UBE2H: variants seen among roughly 807,000 people sequenced by gnomAD.
UBE2H encodes ubiquitin conjugating enzyme E2 H.
In UBE2H, 3 loss-of-function variants were observed where a neutral mutation model predicts 29.0. The ratio of observed to expected loss-of-function variants is 0.10; its 90% CI spans 0.05 to 0.27. The LOEUF is 0.27. Among genes scored for constraint, UBE2H ranks in the 10% least tolerant of loss-of-function variants. The pLI is 1.00. For synonymous variants in UBE2H, 69 were observed against 82.9 expected, an observed-to-expected ratio of 0.83 and a Z score of 0.91; for missense variants, 68 against 228.2, an observed-to-expected ratio of 0.30 and a Z score of 4.52.
intron 1 of UBE2H, among the ~76,000 whole-genome samples, chr7:129,887,690 G>A (rs546899447): frequency 2.1e-4 from 32 of 151,812 alleles, no homozygotes; most frequent in South Asian, 2.1e-3. Context: ...TCCTGAGGTC[G>A]GGAGTTTGAG....
chr7:129,927,522 A>G (rs569821110), intron 1 of UBE2H, among the ~76,000 whole-genome samples: 30 of 152,380 alleles, frequency 2.0e-4, no homozygotes, highest in Middle Eastern at 3.4e-3. Context: ...CCTGGCTGAC[A>G]GAGCGAGACT....
At chr7:129,853,351 T>C (rs1272883893) in intron 5 of UBE2H, among the ~76,000 whole-genome samples, 3 of 152,228 alleles carry the variant, frequency 2.0e-5, no homozygotes, top group East Asian at 1.9e-4. Context: ...CCAGATCCCC[T>C]TGGCTACATT....
At chr7:129,879,672 A>G (rs757508468) in intron 2 of UBE2H, 30 bp from the exon 3 acceptor site, 6 of 1,557,512 alleles carry the variant, frequency 3.9e-6, no homozygotes, top group Non-Finnish European at 5.3e-6. Context: ...GTTCATCAGA[A>G]CTACATCTCC....
At chr7:129,906,114 C>G (rs979483128) in intron 1 of UBE2H, among the ~76,000 whole-genome samples, 10 of 152,036 alleles carry the variant, frequency 6.6e-5, no homozygotes, top group African/African-American at 2.4e-4. Flanking sequence ...AAAACACATT[C>G]AGGCAATAAT....
chr7:129,852,917 G>A (rs1805637442), intron 5 of UBE2H, among the ~76,000 whole-genome samples: 1 of 152,062 alleles, frequency 6.6e-6, no homozygotes, highest in African/African-American at 2.4e-5. Flanking sequence ...TAAAGATGGG[G>A]TTTCTCCATG....
At chr7:129,851,293 T>C (rs1195133633) in intron 5 of UBE2H, among the ~76,000 whole-genome samples, 1 of 152,234 alleles carries the variant, frequency 6.6e-6, no homozygotes, top group African/African-American at 2.4e-5. Context: ...GTTCAAACCT[T>C]ATAACCCTGC....
rs1336521870 is a variant in UBE2H at position 129,952,535 on chromosome 7, G to T, written c.21C>A (p.Gly7=). 6.2e-7 allele frequency: 1 copy of T among 1,612,840 alleles called. No homozygotes were observed. Among genetic ancestry groups the T allele is most frequent in the East Asian group, 2.2e-5 (1 of 44,830 alleles). ...CCACGTCCGTGTCCATCCGCCTCTT[G>T]CCCGGACTGGGAGATGACATGGTGT... MSSPSP[G]KRRMDTDVVK... Residue 7 remains glycine (G), a synonymous_variant, in exon 1 of 7, where the codon GGC becomes GGA. Coordinates refer to ENST00000355621, the MANE Select transcript of UBE2H (RefSeq NM_003344.4).
chr7:129,835,086 C>T (rs777457577), intron 6 of UBE2H, 25 bp from the exon 7 acceptor site: 1 of 1,613,640 alleles, frequency 6.2e-7, no homozygotes, highest in Non-Finnish European at 8.5e-7. Context: ...AGAAAGACAA[C>T]AAGGGCAGTG....
intron 1 of UBE2H, chr7:129,948,956 T>G (rs1396974934): frequency 4.4e-6 from 2 of 456,406 alleles, no homozygotes; most frequent in African/African-American, 2.0e-5. Flanking sequence ...TCTTGTCACA[T>G]ACTCCATCAG....
At chr7:129,900,972 C>T (rs1028764740) in intron 1 of UBE2H, among the ~76,000 whole-genome samples, 1 of 152,036 alleles carries the variant, frequency 6.6e-6, no homozygotes, top group African/African-American at 2.4e-5. Context: ...GGATGGTCTC[C>T]ATCTCCTGAC....
chr7:129,891,814 A>G (rs2727484), intron 1 of UBE2H, among the ~76,000 whole-genome samples: 1 of 67,498 alleles, frequency 1.5e-5, no homozygotes, highest in Non-Finnish European at 4.2e-5. Flanking sequence ...CAAAAACAAA[A>G]AAAAAAAAAA....
rs527900932 is a variant in UBE2H at position 129,832,921 on chromosome 7, G to A, written c.*2016C>T. On this transcript the variant is annotated 3_prime_UTR_variant, in exon 7 of 7. Coordinates refer to ENST00000355621, the MANE Select transcript of UBE2H (RefSeq NM_003344.4). ...GCAAAGTCAGCAGGTAAGCAAGTTA[G>A]ACAGTGCCAGCAGAGAGACCCTCCC... 6.6e-6 allele frequency: 1 copy of A among 152,272 alleles called. No homozygotes were observed. Among genetic ancestry groups the A allele is most frequent in the African/African-American group, 2.4e-5 (1 of 41,530 alleles). 9.4% of individuals were successfully genotyped at this position (152,272 alleles called of 1,614,324 possible). A position where few individuals can be genotyped will look rare whatever the true frequency, so the allele number is the denominator to read the frequency against.
intron 5 of UBE2H, among the ~76,000 whole-genome samples, chr7:129,848,444 C>A (rs987819343): frequency 1.3e-5 from 2 of 152,176 alleles, no homozygotes; most frequent in Admixed American, 6.5e-5. Flanking sequence ...CAATAAGGAA[C>A]AGGGCTGACA....
intron 1 of UBE2H, among the ~76,000 whole-genome samples, chr7:129,898,645 G>A (rs986467641): frequency 6.6e-6 from 1 of 152,056 alleles, no homozygotes; most frequent in Non-Finnish European, 1.5e-5. Context: ...TCCTTCTCTC[G>A]TGTTTGCACC....
intron 5 of UBE2H, among the ~76,000 whole-genome samples, chr7:129,849,873 TATATAAA>T (rs1180327085): frequency 2.6e-5 from 4 of 152,142 alleles, no homozygotes; most frequent in Admixed American, 1.3e-4. Flanking sequence ...GTGGAGAAAA[TATATAAA>T]AAGTCTAAGC....
intron 1 of UBE2H, among the ~76,000 whole-genome samples, chr7:129,886,872 C>T (rs1173585002): frequency 1.3e-5 from 2 of 149,412 alleles, no homozygotes; most frequent in African/African-American, 2.5e-5. Flanking sequence ...AGGAATCCTT[C>T]TCTTTTAGAG....
intron 5 of UBE2H, among the ~76,000 whole-genome samples, chr7:129,848,307 C>A (rs1805547562): frequency 6.6e-6 from 1 of 152,202 alleles, no homozygotes; most frequent in African/African-American, 2.4e-5. Context: ...ATTCTGCATC[C>A]TCCAGAAGCA....
intron 5 of UBE2H, among the ~76,000 whole-genome samples, chr7:129,853,045 T>C (rs1177551979): frequency 6.6e-6 from 1 of 152,102 alleles, no homozygotes; most frequent in African/African-American, 2.4e-5. Context: ...ATCCATCATA[T>C]AAATAATTTA....
chr7:129,901,508 A>T (rs1806716531), intron 1 of UBE2H, among the ~76,000 whole-genome samples: 1 of 152,214 alleles, frequency 6.6e-6, no homozygotes. Context: ...CTGGAGGGGA[A>T]GCCACATTTC....
Sources: allele counts gnomAD v4.1 joint callset (sites outside exome capture counted in the v4.1 genomes callset), GRCh38; gene constraint gnomAD v4.1.1; transcripts MANE v1.5; gene names NCBI Gene and HGNC (gene_info 2026-07-23, HGNC 2026-07-21).